The following ASIC2 variants were observed in gnomAD, a reference collection of about 807,000 sequenced individuals.
The protein encoded by ASIC2 is acid sensing ion channel subunit 2, also known as acid-sensing ion channel 2.
In ASIC2, 25 loss-of-function variants were observed where a neutral mutation model predicts 57.3. The ratio of observed to expected loss-of-function variants is 0.44; its 90% CI spans 0.32 to 0.61. ASIC2 has a LOEUF of 0.61. Among genes scored for constraint, ASIC2 ranks in the 20% least tolerant of loss-of-function variants. The probability of loss-of-function intolerance (pLI) is 0.06; values close to 1 mark genes in which losing one functional copy is unlikely to be tolerated. For synonymous variants in ASIC2, 319 were observed against 307.5 expected (o/e 1.04, Z -0.39); for missense variants, 641 against 738.1 (o/e 0.87, Z 1.52).
chr17:33,090,772 G>T (rs1238045781), intron 2 of ASIC2, among the ~76,000 whole-genome samples: 1 of 152,170 alleles, frequency 6.6e-6, no homozygotes, highest in Admixed American at 6.5e-5. Context: ...AGGTGCAGGG[G>T]TCTGGAGCAG....
intron 1 of ASIC2, among the ~76,000 whole-genome samples, chr17:33,344,585 A>C (rs1466324090): frequency 6.6e-6 from 1 of 152,106 alleles, no homozygotes; most frequent in African/African-American, 2.4e-5. Flanking sequence ...CTTGTCTGTA[A>C]ACTGAGGCTA....
At chr17:33,385,973 AGAGATAAT>A (rs1909661185) in intron 1 of ASIC2, among the ~76,000 whole-genome samples, 2 of 152,210 alleles carry the variant, frequency 1.3e-5, no homozygotes, top group African/African-American at 4.8e-5. Context: ...GCTCCCTCGC[AGAGATAAT>A]GACACCTACC....
chr17:34,073,135 T>A (rs542110799), intron 1 of ASIC2, among the ~76,000 whole-genome samples: 1 of 152,226 alleles, frequency 6.6e-6, no homozygotes, highest in African/African-American at 2.4e-5. Context: ...CAGGAAACTT[T>A]TTCTATAAAG....
chr17:33,768,817 G>A lies in ASIC2; in HGVS notation c.555+387161C>T, dbSNP rs187680754. Among the ~76,000 whole-genome samples, 357 of 152,204 alleles carry A rather than the reference G, an allele frequency of 2.3e-3. 3 individuals are homozygous for A. The highest frequency in any genetic ancestry group is 8.1e-3 in the African/African-American group (337 of 41,506). ...AAAGACCCCAGACTCAGTCGGTAGA[G>A]GGGAAACAGCCTGACTTCAGGGAGG... On this transcript the variant is annotated intron_variant, in intron 1 of 9. Coordinates refer to the ASIC2 transcript ENST00000359872.
intron 1 of ASIC2, among the ~76,000 whole-genome samples, chr17:33,713,423 A>G (rs955593254): frequency 6.6e-6 from 1 of 152,110 alleles, no homozygotes; most frequent in South Asian, 2.1e-4. Context: ...ATCTTTGGTA[A>G]TCTGTGCAGC....
At chr17:33,772,729 T>G (rs1464922672) in intron 1 of ASIC2, among the ~76,000 whole-genome samples, 1 of 152,188 alleles carries the variant, frequency 6.6e-6, no homozygotes. Context: ...GGCACTTGAC[T>G]CTTTATCACA....
In ASIC2 at chr17:33,013,417, C is replaced by T. The variant is rs540995659; in HGVS notation, c.*548G>A. The T allele has an allele frequency of 1.6e-4, 25 of 155,156 alleles. No homozygotes were observed. The highest frequency in any genetic ancestry group is 3.7e-4 in the Admixed American group (6 of 16,116). 9.6% of individuals were successfully genotyped at this position (155,156 alleles called of 1,614,324 possible). A position where few individuals can be genotyped will look rare whatever the true frequency, so the allele number is the denominator to read the frequency against. Reference sequence around the variant, plus strand: ...GGTTGGCGCGGGTCACCTTTGGCGCCGAAGCCCCATGGGCAGCTTGGGGAA... The same window carrying T: ...GGTTGGCGCGGGTCACCTTTGGCGCTGAAGCCCCATGGGCAGCTTGGGGAA... On this transcript the variant is annotated 3_prime_UTR_variant, in exon 10 of 10. Transcript: ENST00000225823.
At chr17:34,133,863 AGGGTGAG>A (rs1198925737) in intron 1 of ASIC2, among the ~76,000 whole-genome samples, 1 of 152,152 alleles carries the variant, frequency 6.6e-6, no homozygotes, top group East Asian at 1.9e-4. Flanking sequence ...GGAGCTTTGC[AGGGTGAG>A]GGGTGTGGGA....
chr17:33,989,292 C>A (rs1905928234), intron 1 of ASIC2, among the ~76,000 whole-genome samples: 1 of 151,976 alleles, frequency 6.6e-6, no homozygotes, highest in African/African-American at 2.4e-5. Context: ...CAAAGACTGG[C>A]AGGTTTTAAG....
chr17:33,536,369 G>A (rs1386726885), intron 1 of ASIC2, among the ~76,000 whole-genome samples: 1 of 152,182 alleles, frequency 6.6e-6, no homozygotes, highest in Non-Finnish European at 1.5e-5. Flanking sequence ...TGTGAGAGCC[G>A]ACTGTCAAAT....
chr17:33,859,845 C>G (rs1187741014), intron 1 of ASIC2, among the ~76,000 whole-genome samples: 1 of 152,138 alleles, frequency 6.6e-6, no homozygotes, highest in Non-Finnish European at 1.5e-5. Context: ...TGCTACCACA[C>G]CTAGCTAATT....
chr17:33,834,303 G>A (rs908411670), intron 1 of ASIC2: 3 of 152,206 alleles, frequency 2.0e-5, no homozygotes, highest in African/African-American at 7.2e-5. Flanking sequence ...TATCCATGAA[G>A]AGTGCACTGT....
intron 7 of ASIC2, among the ~76,000 whole-genome samples, chr17:33,018,058 T>C (rs1329497347): frequency 6.6e-6 from 1 of 152,116 alleles, no homozygotes; most frequent in Non-Finnish European, 1.5e-5. Flanking sequence ...TGGTGACAGG[T>C]GCCCTGGGTG....
intron 1 of ASIC2, among the ~76,000 whole-genome samples, chr17:33,275,075 C>G (rs528558565): frequency 6.6e-6 from 1 of 152,278 alleles, no homozygotes; most frequent in African/African-American, 2.4e-5. Flanking sequence ...AAATGTTCTG[C>G]AAGTCTGCAC....
intron 1 of ASIC2, among the ~76,000 whole-genome samples, chr17:33,604,944 T>G (rs1298507107): frequency 6.6e-6 from 1 of 152,072 alleles, no homozygotes; most frequent in African/African-American, 2.4e-5. Flanking sequence ...CCTAGAACCT[T>G]CATCTCATAT....
intron 1 of ASIC2, among the ~76,000 whole-genome samples, chr17:33,187,086 C>T (rs1906227326): frequency 6.6e-6 from 1 of 152,170 alleles, no homozygotes; most frequent in Non-Finnish European, 1.5e-5. Context: ...GTCTGATCCA[C>T]TACAGCTTTC....
intron 1 of ASIC2, among the ~76,000 whole-genome samples, chr17:34,028,124 T>C (rs559039551): frequency 6.6e-6 from 1 of 152,312 alleles, no homozygotes; most frequent in South Asian, 2.1e-4. Context: ...GGTGTACCTG[T>C]AGATGTTATC....
chr17:34,015,427 C>T (rs930491800), intron 1 of ASIC2, among the ~76,000 whole-genome samples: 2 of 152,160 alleles, frequency 1.3e-5, no homozygotes, highest in African/African-American at 4.8e-5. Context: ...GATTCCAGGC[C>T]AAAGAATGTT....
At chr17:33,539,749 A>C (rs1403730639) in intron 1 of ASIC2, among the ~76,000 whole-genome samples, 1 of 152,180 alleles carries the variant, frequency 6.6e-6, no homozygotes, top group East Asian at 1.9e-4. Flanking sequence ...CAACTGTGCC[A>C]GGTGCTGACC....
Sources: allele counts gnomAD v4.1 joint callset (sites outside exome capture counted in the v4.1 genomes callset), GRCh38; gene constraint gnomAD v4.1.1; transcripts MANE v1.5; gene names NCBI Gene and HGNC (gene_info 2026-07-23, HGNC 2026-07-21).